PPEF1: variants seen among roughly 807,000 people sequenced by gnomAD.
PPEF1 encodes serine/threonine-protein phosphatase with EF-hands 1.
In PPEF1, 12 loss-of-function variants were observed where a neutral mutation model predicts 53.3. The observed-to-expected ratio is 0.23, with a 90% CI of 0.14 to 0.36. PPEF1 has a LOEUF of 0.36. Among genes scored for constraint, PPEF1 ranks in the 10% least tolerant of loss-of-function variants. The pLI is 1.00. For missense variants in PPEF1, 334 were observed against 490.4 expected, an observed-to-expected ratio of 0.68 and a Z score of 3.01; for synonymous variants, 165 against 176.7, an observed-to-expected ratio of 0.93 and a Z score of 0.52.
intron 1 of PPEF1, among the ~76,000 whole-genome samples, chrX:18,729,154 C>CG (rs55947123): frequency 9.0e-6 from 1 of 110,625 alleles, no homozygotes; most frequent in Admixed American, 9.6e-5. Context: ...AACTCTTCCC[C>CG]TTGTAACATC....
At chrX:18,684,754 G>A (rs185208652) in exon 2 of PPEF1, among the ~76,000 whole-genome samples, 118 of 110,575 alleles carry the variant, frequency 1.1e-3, no homozygotes, top group African/African-American at 3.6e-3. Flanking sequence ...AGCTTCCCAA[G>A]TAGCTGGGAT....
At chrX:18,764,689 G>A (rs1453515651) in intron 6 of PPEF1, among the ~76,000 whole-genome samples, 1 of 111,650 alleles carries the variant, frequency 9.0e-6, no homozygotes, top group Non-Finnish European at 1.9e-5. Context: ...CAATTACAAT[G>A]TGAGGAAGGA....
In PPEF1 at chrX:18,695,896, A is replaced by G. The variant is rs780370327; in HGVS notation, c.-312-1949A>G. On this transcript the variant is annotated intron_variant, in intron 4 of 21. Transcript: ENST00000361511. ...TGGCTGCTCACCAGGTGACCCCAAT[A>G]GAAACATCTGGCAAGCACTGACTTT... Among the ~76,000 whole-genome samples, 41 of 112,123 alleles carry G rather than the reference A, an allele frequency of 3.7e-4. 1 individual carries two copies. The highest frequency in any genetic ancestry group is 6.9e-4 in the Non-Finnish European group (37 of 53,274).
chrX:18,730,719 T>C (rs1230860898), intron 2 of PPEF1, among the ~76,000 whole-genome samples: 1 of 109,330 alleles, frequency 9.1e-6, no homozygotes, highest in Non-Finnish European at 1.9e-5. Context: ...AGGCCTTTTT[T>C]TTTTTTTTCT....
At chrX:18,786,746 GCA>G (rs2147613541) in intron 9 of PPEF1, among the ~76,000 whole-genome samples, 1 of 97,442 alleles carries the variant, frequency 1.0e-5, no homozygotes, top group East Asian at 3.2e-4. Flanking sequence ...TCAAGCCACT[GCA>G]CTCCAGCCTG....
At chrX:18,727,342 C>T (rs1008889047) in intron 1 of PPEF1, among the ~76,000 whole-genome samples, 2 of 111,341 alleles carry the variant, frequency 1.8e-5, no homozygotes, top group African/African-American at 6.5e-5. Context: ...GCGACTGTCC[C>T]ACAGAACAGG....
chrX:18,709,867 A>G (rs1180250296), intron 1 of PPEF1, among the ~76,000 whole-genome samples: 1 of 111,797 alleles, frequency 8.9e-6, no homozygotes, highest in Non-Finnish European at 1.9e-5. Flanking sequence ...TTGGGTATAT[A>G]CCTAGAAGTG....
chrX:18,742,764 G>A (rs1311270263), intron 3 of PPEF1, among the ~76,000 whole-genome samples: 3 of 109,814 alleles, frequency 2.7e-5, no homozygotes, highest in African/African-American at 3.3e-5. Context: ...CACAAGAATC[G>A]CTTGAACCTG....
chrX:18,751,234 C>T (rs1043539516), intron 4 of PPEF1, among the ~76,000 whole-genome samples: 1 of 111,519 alleles, frequency 9.0e-6, no homozygotes, highest in African/African-American at 3.3e-5. Context: ...GTCTTGGTTG[C>T]TTGTGCTTTT....
At chrX:18,787,106 T>C (rs1167680158) in intron 9 of PPEF1, among the ~76,000 whole-genome samples, 1 of 112,183 alleles carries the variant, frequency 8.9e-6, no homozygotes, top group Non-Finnish European at 1.9e-5. Context: ...TAAATATCAT[T>C]GAACTGTAGT....
chrX:18,707,859 T>C (rs764964144), intron 1 of PPEF1, 33 bp downstream of exon 1: 2 of 1,166,809 alleles, frequency 1.7e-6, no homozygotes, highest in Non-Finnish European at 2.3e-6. Context: ...TGGTTATGAA[T>C]GAAAAGGGGA....
chrX:18,735,099 G>GT (rs1232023413), intron 3 of PPEF1, among the ~76,000 whole-genome samples: 4 of 111,679 alleles, frequency 3.6e-5, no homozygotes, highest in Non-Finnish European at 7.5e-5. Context: ...TCTCATGATA[G>GT]TTTTTTTGCT....
At chrX:18,770,798 G>C (rs762074460) in intron 6 of PPEF1, among the ~76,000 whole-genome samples, 1 of 112,526 alleles carries the variant, frequency 8.9e-6, no homozygotes, top group East Asian at 2.8e-4. Context: ...TAGAAAGTGT[G>C]TTTACCATTC....
chrX:18,711,599 CTG>C (rs2044329868), intron 1 of PPEF1, among the ~76,000 whole-genome samples: 1 of 111,366 alleles, frequency 9.0e-6, no homozygotes, highest in South Asian at 3.8e-4. Context: ...TGTCTCAGCA[CTG>C]TTTGTTGAAA....
At chrX:18,722,951 C>T (rs774940789) in intron 1 of PPEF1, among the ~76,000 whole-genome samples, 13 of 110,405 alleles carry the variant, frequency 1.2e-4, no homozygotes, top group Non-Finnish European at 1.5e-4. Context: ...CTGTTGTGTT[C>T]GGAGATGGTA....
At chrX:18,741,294 A>C (rs1292519950) in intron 3 of PPEF1, among the ~76,000 whole-genome samples, 2 of 112,087 alleles carry the variant, frequency 1.8e-5, no homozygotes, top group Non-Finnish European at 3.8e-5. Flanking sequence ...CTAATACTTC[A>C]ACCCAGGCTC....
intron 11 of PPEF1, 135 bp downstream of exon 11, chrX:18,804,212 G>A (rs1378582052): frequency 1.8e-6 from 1 of 542,645 alleles, no homozygotes; most frequent in South Asian, 3.8e-5. Flanking sequence ...CAGAGAAGGC[G>A]AGCTTCATCT....
chrX:18,821,788 AG>A (rs56003265), intron 13 of PPEF1, among the ~76,000 whole-genome samples: 23,404 of 102,566 alleles, frequency 0.23, 2,279 homozygotes, highest in African/African-American at 0.29. Context: ...AGAGAGAGAG[AG>A]AGAGAGAGAG....
intron 13 of PPEF1, among the ~76,000 whole-genome samples, chrX:18,822,183 C>T (rs902971858): frequency 3.6e-5 from 4 of 111,762 alleles, no homozygotes; most frequent in African/African-American, 9.7e-5. Flanking sequence ...GCTAACCGTG[C>T]GGTGCTGTAG....
Sources: gnomAD v4.1 joint callset for allele counts (sites outside exome capture counted in the v4.1 genomes callset) on GRCh38, gnomAD v4.1.1 for gene constraint, MANE v1.5 for transcripts, NCBI Gene and HGNC (gene_info 2026-07-23, HGNC 2026-07-21) for gene names.